CSMD2: variants seen among roughly 807,000 people sequenced by gnomAD.
CSMD2 encodes CUB and sushi domain-containing protein 2.
CSMD2 carries 130 observed loss-of-function variants against 398.5 expected under a neutral mutation model. That is an observed-to-expected ratio of 0.33 (90% confidence interval 0.28 to 0.38). The LOEUF (loss-of-function observed/expected upper bound fraction) is 0.38. Among genes scored for constraint, CSMD2 ranks in the 10% least tolerant of loss-of-function variants. The pLI is 1.00. For synonymous variants in CSMD2, 1,828 were observed against 1,908.5 expected (o/e 0.96, Z 1.10); for missense variants, 3,829 against 4,764.9 (o/e 0.80, Z 5.78).
chr1:33,847,769 G>A (rs1274830116), intron 5 of CSMD2, among the ~76,000 whole-genome samples: 4 of 152,088 alleles, frequency 2.6e-5, no homozygotes, highest in African/African-American at 9.7e-5. Context: ...TGTGAGCTCA[G>A]GAAAACTACA....
At chr1:33,525,199 G>A (rs1286610160) in intron 65 of CSMD2, among the ~76,000 whole-genome samples, 156 bp from the exon 66 acceptor site, 2 of 152,124 alleles carry the variant, frequency 1.3e-5, no homozygotes, top group Non-Finnish European at 2.9e-5. Context: ...GCCTCTTCTC[G>A]TCTTGTGTCT....
At position 34,118,751 on chromosome 1, in the gene CSMD2, T is replaced by C. The variant is rs928339457; in HGVS notation, c.188-29558A>G. The stretch of plus-strand genomic sequence containing the variant: ...CAAAAGACTTGTGAACTGAAAACTA[T>C]AGAACATTGCTTACAGATATTAAAG... On this transcript the variant is annotated intron_variant, in intron 1 of 70. Transcript: ENST00000373381. Among the ~76,000 whole-genome samples, 9 of 152,186 alleles carry C rather than the reference T, an allele frequency of 5.9e-5. No individual in the cohort carries two copies. In the South Asian group the frequency reaches 6.2e-4, roughly 11 times the overall value.
chr1:33,566,555 C>A (rs1011445370), intron 53 of CSMD2, among the ~76,000 whole-genome samples: 11 of 152,010 alleles, frequency 7.2e-5, no homozygotes, highest in African/African-American at 2.7e-4. Context: ...ATACTGCATA[C>A]AAGAATCACA....
rs367660599 is a variant in CSMD2, at chr1:34,089,711, C to T, written c.188-518G>A. ...CCTGCTACAGAGGAGCTACCTCTTC[C>T]TCCATCTAAATGGACTCTTGCCAAG... is the stretch of plus-strand genomic sequence containing the variant. On this transcript the variant is annotated intron_variant, in intron 1 of 70. Transcript: ENST00000373381. Among the ~76,000 whole-genome samples, 66 of 152,246 alleles carry T rather than the reference C, an allele frequency of 4.3e-4. 1 individual carries two copies. The South Asian group carries it at 0.013, about 30-fold the overall frequency.
At chr1:34,011,657 T>C (rs909014890) in intron 3 of CSMD2, among the ~76,000 whole-genome samples, 1 of 152,182 alleles carries the variant, frequency 6.6e-6, no homozygotes, top group East Asian at 1.9e-4. Flanking sequence ...AGGCATGCAA[T>C]GGGTGATAAT....
chr1:33,574,498 T>C (rs893879090), intron 49 of CSMD2, among the ~76,000 whole-genome samples: 1 of 152,162 alleles, frequency 6.6e-6, no homozygotes, highest in African/African-American at 2.4e-5. Flanking sequence ...CCATCCACTA[T>C]CCCCTCTGGC....
At chr1:34,111,041 T>C (rs1364026802) in intron 1 of CSMD2, among the ~76,000 whole-genome samples, 4 of 152,238 alleles carry the variant, frequency 2.6e-5, no homozygotes, top group Admixed American at 6.5e-5. Flanking sequence ...AATTTACTTA[T>C]ATATTGTACT....
At chr1:34,053,441 G>C (rs766187973) in intron 2 of CSMD2, among the ~76,000 whole-genome samples, 2 of 152,118 alleles carry the variant, frequency 1.3e-5, no homozygotes, top group African/African-American at 2.4e-5. Context: ...TCCTAGCAAA[G>C]TGGACACAAG....
At chr1:33,695,087 G>T (rs538616179) in intron 24 of CSMD2, among the ~76,000 whole-genome samples, 1 of 152,208 alleles carries the variant, frequency 6.6e-6, no homozygotes. Flanking sequence ...AGAAGCAAGA[G>T]TTGACCAGGT....
intron 3 of CSMD2, among the ~76,000 whole-genome samples, chr1:34,024,580 T>C (rs1011419680): frequency 2.0e-5 from 3 of 152,220 alleles, no homozygotes; most frequent in Non-Finnish European, 4.4e-5. Context: ...TGTATTAATT[T>C]GCTACTCCAC....
intron 51 of CSMD2, among the ~76,000 whole-genome samples, chr1:33,569,758 C>T (rs571829165): frequency 1.9e-4 from 29 of 152,164 alleles, no homozygotes; most frequent in Admixed American, 3.3e-4. Context: ...TTAAAATGCC[C>T]GGCTCCACTG....
intron 13 of CSMD2, among the ~76,000 whole-genome samples, chr1:33,752,194 T>C (rs779223606): frequency 1.3e-5 from 2 of 152,216 alleles, no homozygotes; most frequent in Non-Finnish European, 2.9e-5. Context: ...ATATATAGTT[T>C]GGTTTTTTGT....
chr1:33,536,981 G>A lies in CSMD2; in HGVS notation c.9879+41C>T, dbSNP rs762877193. On this transcript the variant is annotated intron_variant, in intron 62 of 70. Transcript: ENST00000373381. ...TCTTATGTTGACAGTGACAAGAAGG[G>A]ATAGGATGTAGGAAGACCCTATCTT... is the stretch of plus-strand genomic sequence containing the variant. 10 of 1,582,540 alleles carry A rather than the reference G, an allele frequency of 6.3e-6. No homozygotes were observed. In the South Asian group the frequency reaches 1.1e-4, roughly 17 times the overall value.
intron 55 of CSMD2, among the ~76,000 whole-genome samples, chr1:33,553,050 G>C (rs1325041772): frequency 1.3e-5 from 2 of 152,150 alleles, no homozygotes; most frequent in Non-Finnish European, 2.9e-5. Context: ...ATAGAGAGCA[G>C]TTAAAAATAA....
chr1:33,639,393 G>A (rs1642983462), intron 29 of CSMD2, among the ~76,000 whole-genome samples: 1 of 152,236 alleles, frequency 6.6e-6, no homozygotes. Context: ...ATGTCAGAAT[G>A]TCCTTTCTTT....
chr1:33,951,843 C>T (rs1645017637), intron 3 of CSMD2, among the ~76,000 whole-genome samples: 1 of 152,244 alleles, frequency 6.6e-6, no homozygotes, highest in Non-Finnish European at 1.5e-5. Context: ...CCTTCGTCAC[C>T]TCTCCTTCTG....
At chr1:33,587,932 A>C (rs895236067) in intron 44 of CSMD2, among the ~76,000 whole-genome samples, 3 of 152,164 alleles carry the variant, frequency 2.0e-5, no homozygotes, top group Non-Finnish European at 4.4e-5. Context: ...TACTATTTCC[A>C]ATCACCCCAA....
intron 3 of CSMD2, among the ~76,000 whole-genome samples, chr1:34,026,249 G>A (rs1403855944): frequency 6.6e-6 from 1 of 152,148 alleles, no homozygotes; most frequent in Admixed American, 6.5e-5. Context: ...TTGATTCCAG[G>A]TGTCTGAATT....
chr1:33,792,595 G>T, intron 10 of CSMD2, 69 bp from the exon 11 acceptor site: 1 of 1,029,280 alleles, frequency 9.7e-7, no homozygotes, highest in Non-Finnish European at 1.5e-6. Flanking sequence ...CTTGAGGGGA[G>T]GAAGGATTTT....
Sources: gnomAD v4.1 joint callset for allele counts (sites outside exome capture counted in the v4.1 genomes callset) on GRCh38, gnomAD v4.1.1 for gene constraint, MANE v1.5 for transcripts, NCBI Gene and HGNC (gene_info 2026-07-23, HGNC 2026-07-21) for gene names.